Variants in SRPK2 observed in about 807,000 individuals in gnomAD.
The protein encoded by SRPK2 is SFRS protein kinase 2.
In SRPK2, 21 loss-of-function variants were observed where a neutral mutation model predicts 90.8. The ratio of observed to expected loss-of-function variants is 0.23; its 90% CI spans 0.16 to 0.33. The LOEUF (loss-of-function observed/expected upper bound fraction) is 0.33. SRPK2 is among the 10% of genes least tolerant of loss of function. The pLI, the probability that SRPK2 is intolerant of heterozygous loss-of-function variation, is 1.00. For synonymous variants in SRPK2, 288 were observed against 311.1 expected, an observed-to-expected ratio of 0.93 and a Z score of 0.78; for missense variants, 620 against 869.0, an observed-to-expected ratio of 0.71 and a Z score of 3.60.
At chr7:105,330,477 G>A (rs924032977) in intron 2 of SRPK2, among the ~76,000 whole-genome samples, 2 of 152,096 alleles carry the variant, frequency 1.3e-5, no homozygotes, top group Non-Finnish European at 2.9e-5. Flanking sequence ...TGGGAAAAAA[G>A]GAGAGCAGGA....
At chr7:105,385,171 ATTTTTTTTTTT>A (rs767913304) in intron 2 of SRPK2, among the ~76,000 whole-genome samples, 11,641 of 49,490 alleles carry the variant, frequency 0.24, 856 homozygotes, top group Middle Eastern at 0.31. Context: ...CGCGCCCGGC[ATTTTTTTTTTT>A]TTTTTTTTTT....
At chr7:105,336,905 A>G (rs925530164) in intron 2 of SRPK2, among the ~76,000 whole-genome samples, 1 of 151,870 alleles carries the variant, frequency 6.6e-6, no homozygotes, top group African/African-American at 2.4e-5. Flanking sequence ...AGGTTCAAGC[A>G]ATTCTCCTGC....
intron 7 of SRPK2, among the ~76,000 whole-genome samples, chr7:105,158,328 C>T (rs1047025727): frequency 4.0e-5 from 6 of 151,570 alleles, no homozygotes; most frequent in African/African-American, 1.5e-4. Flanking sequence ...GATCTCAGCT[C>T]ACTGCAACCT....
chr7:105,257,705 G>A (rs1563155954), intron 2 of SRPK2, among the ~76,000 whole-genome samples: 1 of 151,594 alleles, frequency 6.6e-6, no homozygotes, highest in Admixed American at 6.6e-5. Context: ...TTTTTTTTAA[G>A]GCAAACAATA....
rs763445515 is a variant in SRPK2 at position 105,192,223 on chromosome 7, CCT to C, written c.229+11403_229+11404del. 1.9e-4 allele frequency among the ~76,000 whole-genome samples: 29 copies of C among 152,218 alleles called. No individual in the cohort carries two copies. The East Asian group carries it at 1.9e-3, about 10-fold the overall frequency. ...CCTCATCCCTTTCCTACCCTTTCCC[CCT>C]GAGTCCCCAAAGTCTACAGTGTCAT... On this transcript the variant is annotated intron_variant, in intron 3 of 15. Transcript: ENST00000393651.
At chr7:105,217,451 C>G (rs1245641324) in intron 2 of SRPK2, among the ~76,000 whole-genome samples, 1 of 152,224 alleles carries the variant, frequency 6.6e-6, no homozygotes. Flanking sequence ...ACAGAAGACA[C>G]AGAAGACACT....
At chr7:105,259,180 T>A (rs1803820428) in intron 2 of SRPK2, among the ~76,000 whole-genome samples, 1 of 152,196 alleles carries the variant, frequency 6.6e-6, no homozygotes, top group African/African-American at 2.4e-5. Flanking sequence ...ATAAGCAACT[T>A]CAGCAAAGTC....
chr7:105,243,784 A>C (rs1021209256), intron 2 of SRPK2, among the ~76,000 whole-genome samples: 1 of 152,230 alleles, frequency 6.6e-6, no homozygotes, highest in South Asian at 2.1e-4. Flanking sequence ...TATTATCTCT[A>C]AACCATAACA....
At chr7:105,336,421 C>T (rs962248380) in intron 2 of SRPK2, among the ~76,000 whole-genome samples, 1 of 152,018 alleles carries the variant, frequency 6.6e-6, no homozygotes, top group African/African-American at 2.4e-5. Context: ...AATGAAAATA[C>T]TTTCAAGATG....
chr7:105,352,931 A>C (rs932611519), intron 2 of SRPK2, among the ~76,000 whole-genome samples: 4 of 152,016 alleles, frequency 2.6e-5, no homozygotes, highest in African/African-American at 9.7e-5. Flanking sequence ...TTGGCTAGTC[A>C]TCAGAATTAC....
chr7:105,275,069 G>A (rs1250142529), intron 2 of SRPK2, among the ~76,000 whole-genome samples: 84 of 151,894 alleles, frequency 5.5e-4, no homozygotes, highest in Non-Finnish European at 2.9e-5. Context: ...TGTATTTTTA[G>A]TAGAGACGGG....
intron 2 of SRPK2, among the ~76,000 whole-genome samples, chr7:105,357,017 A>G (rs184902553): frequency 1.3e-5 from 2 of 151,396 alleles, no homozygotes; most frequent in Admixed American, 6.6e-5. Context: ...CCATCACTTG[A>G]TTTTTTTAGG....
intron 2 of SRPK2, among the ~76,000 whole-genome samples, chr7:105,320,799 T>G (rs1207062606): frequency 1.3e-5 from 2 of 151,886 alleles, no homozygotes; most frequent in African/African-American, 4.8e-5. Flanking sequence ...TATAAATAAC[T>G]CCCACAAGCT....
Position 105,203,737 on chromosome 7 carries a change from T to TGGC in SRPK2, c.117_119dup (p.Pro47dup). ...GCAAAGGTGGCGGTGGTGGTGGTGGTGGCGGTGGAGGAGGAGGAACTAAAG... is the reference window on the plus strand; with the variant it reads ...GCAAAGGTGGCGGTGGTGGTGGTGGTGGCGGCGGTGGAGGAGGAGGAACTAAAG... On this transcript the variant is annotated inframe_insertion, in exon 3 of 16. Coordinates refer to ENST00000393651, the MANE Select transcript of SRPK2 (RefSeq NM_182692.3). 7.3e-7 allele frequency: 1 copy of TGGC among 1,365,788 alleles called. No individual in the cohort carries two copies. Among genetic ancestry groups the TGGC allele is most frequent in the Non-Finnish European group, 1.0e-6 (1 of 973,270 alleles). 84.6% of individuals were successfully genotyped at this position (1,365,788 alleles called of 1,614,324 possible).
intron 2 of SRPK2, chr7:105,297,534 C>A: frequency 1.0e-6 from 1 of 982,816 alleles, no homozygotes; most frequent in East Asian, 1.1e-4. Flanking sequence ...TTGTTCACTC[C>A]TATAAAAGAT....
chr7:105,329,161 C>G lies in SRPK2; in HGVS notation c.71+59487G>C, dbSNP rs1813969335. The stretch of plus-strand genomic sequence containing the variant: ...CCCAAATTTTTTTCTCCCACATTGC[C>G]TGAATCTTTATATATTTCACCATGT... On this transcript the variant is annotated intron_variant, in intron 2 of 15. Coordinates refer to ENST00000393651, the MANE Select transcript of SRPK2 (RefSeq NM_182692.3). 2.0e-5 allele frequency among the ~76,000 whole-genome samples: 3 copies of G among 152,254 alleles called. No individual in the cohort carries two copies. The South Asian group carries it at 6.2e-4, about 32-fold the overall frequency.
At chr7:105,126,878 GGT>G in intron 14 of SRPK2, 113 bp downstream of exon 14, 1 of 981,316 alleles carries the variant, frequency 1.0e-6, no homozygotes, top group Non-Finnish European at 1.6e-6. Flanking sequence ...ATCTGAATTT[GGT>G]GTTTGAAAAC....
chr7:105,354,092 A>C (rs1817522734), intron 2 of SRPK2, among the ~76,000 whole-genome samples: 1 of 152,110 alleles, frequency 6.6e-6, no homozygotes, highest in Non-Finnish European at 1.5e-5. Context: ...AGGAGCAGCC[A>C]GTATGTATGT....
chr7:105,386,752 A>G (rs1821663283), intron 2 of SRPK2, among the ~76,000 whole-genome samples: 1 of 152,210 alleles, frequency 6.6e-6, no homozygotes, highest in African/African-American at 2.4e-5. Flanking sequence ...GACTTGATTC[A>G]AAGAGTTAAG....
Sources: allele counts gnomAD v4.1 joint callset (sites outside exome capture counted in the v4.1 genomes callset), GRCh38; gene constraint gnomAD v4.1.1; transcripts MANE v1.5; gene names NCBI Gene and HGNC (gene_info 2026-07-23, HGNC 2026-07-21).